JPH3: variants seen among roughly 807,000 people sequenced by gnomAD.
JPH3 encodes the protein junctophilin-3.
JPH3 carries 11 observed loss-of-function variants against 59.6 expected under a neutral mutation model. The observed-to-expected ratio is 0.18, with a 90% CI of 0.12 to 0.31. The LOEUF (loss-of-function observed/expected upper bound fraction) is 0.31, where lower values mean the gene tolerates loss of function less well. JPH3 is among the 10% of genes least tolerant of loss of function. JPH3 has a pLI of 1.00. For synonymous variants in JPH3, 673 were observed against 483.6 expected (o/e 1.39, Z -5.14); for missense variants, 1,202 against 1,105.7 (o/e 1.09, Z -1.24).
chr16:87,684,455 C>A, intron 3 of JPH3, 189 bp downstream of exon 3: 8 of 838,550 alleles, frequency 9.5e-6, no homozygotes, highest in Non-Finnish European at 1.5e-5. Context: ...CCTGGCTCCC[C>A]GGGACACAGG....
In JPH3 at chr16:87,644,747, A is replaced by T. The variant is rs749721814; in HGVS notation, c.872A>T (p.Glu291Val). The T allele has an allele frequency of 6.2e-7, 1 of 1,612,310 alleles. No homozygotes were observed. Residue 291 changes from glutamate to valine, a missense_variant, in exon 2 of 5, where the codon GAG (glutamate) becomes GTG (valine). Physicochemically the swap from Glu to Val is moderately radical, Grantham distance 121. Transcript: ENST00000284262. Reference protein sequence around the residue: ...DATTTETYVGEWKNDKRSGFG... With the variant: ...DATTTETYVGVWKNDKRSGFG... ...ACCACCACCGAGACCTACGTGGGCG[A>T]GTGGAAGAACGACAAACGCTCCGGC...
chr16:87,684,849 C>T (rs566751715), intron 3 of JPH3, among the ~76,000 whole-genome samples: 1 of 140,644 alleles, frequency 7.1e-6, no homozygotes, highest in African/African-American at 2.5e-5. Context: ...ATGGGTGATA[C>T]GGCCCAGTGA....
intron 1 of JPH3, among the ~76,000 whole-genome samples, chr16:87,630,614 C>T (rs929359204): frequency 6.6e-6 from 1 of 152,190 alleles, no homozygotes; most frequent in Non-Finnish European, 1.5e-5. Flanking sequence ...CCTTCCCCTC[C>T]TCCTTAAAAT....
intron 2 of JPH3, among the ~76,000 whole-genome samples, chr16:87,673,415 A>G (rs1234616619): frequency 6.6e-6 from 1 of 152,178 alleles, no homozygotes; most frequent in Non-Finnish European, 1.5e-5. Context: ...CTGGAGAGAA[A>G]ATTGTGAATC....
intron 1 of JPH3, among the ~76,000 whole-genome samples, chr16:87,620,981 A>G (rs2031164029): frequency 6.6e-6 from 1 of 152,158 alleles, no homozygotes; most frequent in Non-Finnish European, 1.5e-5. Flanking sequence ...AACATGGTGG[A>G]ACCCCATCTC....
At chr16:87,679,713 GGCCAGGGCCCACCAGAGCC>G in intron 2 of JPH3, among the ~76,000 whole-genome samples, 1 of 152,214 alleles carries the variant, frequency 6.6e-6, no homozygotes, top group Admixed American at 6.5e-5. Flanking sequence ...CCTGCTCCTG[GGCCAGGGCCCACCAGAGCC>G]TTAGTCCGGG....
chr16:87,684,288 A>T (rs1367708681), intron 3 of JPH3, 22 bp downstream of exon 3: 7 of 1,612,850 alleles, frequency 4.3e-6, no homozygotes, highest in Non-Finnish European at 5.9e-6. Flanking sequence ...CGGGCCTGAT[A>T]CTGGCATCGT....
intron 2 of JPH3, among the ~76,000 whole-genome samples, chr16:87,648,361 G>A (rs2032221421): frequency 6.6e-6 from 1 of 152,226 alleles, no homozygotes; most frequent in Non-Finnish European, 1.5e-5. Flanking sequence ...CATGAGAGCG[G>A]CCGCACCACG....
At chr16:87,693,933 G>A (rs2033690016) in intron 4 of JPH3, 1 of 152,280 alleles carries the variant, frequency 6.6e-6, no homozygotes, top group African/African-American at 2.4e-5. Context: ...GCCAGGCAGA[G>A]GCAAGTACTC....
chr16:87,658,509 C>T (rs2032585549), intron 2 of JPH3, among the ~76,000 whole-genome samples: 1 of 151,998 alleles, frequency 6.6e-6, no homozygotes, highest in Non-Finnish European at 1.5e-5. Flanking sequence ...TTTTCTCGTT[C>T]TCTGTCACTC....
chr16:87,636,843 G>A (rs60183879), intron 1 of JPH3, among the ~76,000 whole-genome samples: 2,269 of 152,334 alleles, frequency 0.015, 65 homozygotes, highest in African/African-American at 0.052. Context: ...GGGTGCGATT[G>A]TCACCCTATC....
chr16:87,689,557 T>TC (rs2033504867), intron 3 of JPH3, 89 bp from the exon 4 acceptor site: 2 of 1,402,976 alleles, frequency 1.4e-6, no homozygotes, highest in African/African-American at 1.4e-5. Flanking sequence ...GCCCTGAGGT[T>TC]CCCTCTGGCG....
chr16:87,696,658 T>G lies in JPH3; in HGVS notation c.2245T>G (p.Ter749GlyextTer1). The change falls in exon 5 of 5, where the codon TGA (stop) becomes GGA (glycine). Residue 749 changes from the stop codon to glycine, a stop_lost. Transcript: ENST00000284262. ...CATTCTGTTTATTAACTTTTTCATC[T>G]GATGAGATGTCGCGGTAGCAAAAAT... is the stretch of plus-strand genomic sequence containing the variant. The part of the protein sequence containing the change: ...VAILFINFFI[*>G] The G allele has an allele frequency of 1.2e-6, 2 of 1,611,594 alleles. No homozygotes were observed. The highest frequency in any genetic ancestry group is 1.7e-6 in the Non-Finnish European group (2 of 1,178,142).
chr16:87,686,180 C>T (rs2033412395), intron 3 of JPH3, among the ~76,000 whole-genome samples: 1 of 152,230 alleles, frequency 6.6e-6, no homozygotes, highest in Non-Finnish European at 1.5e-5. Flanking sequence ...ACCCCCACCC[C>T]CGCGTGGTGC....
In JPH3 at chr16:87,644,253, C is replaced by A. The variant is rs1489774809; in HGVS notation, c.383-5C>A. 3.1e-6 allele frequency: 5 copies of A among 1,600,326 alleles called. No individual in the cohort carries two copies. The highest frequency in any genetic ancestry group is 4.3e-6 in the Non-Finnish European group (5 of 1,173,316). On this transcript the variant is annotated splice_region_variant and splice_polypyrimidine_tract_variant and intron_variant, in intron 1 of 4. Transcript: ENST00000284262. ...GCACTCACCCCTCTCTCATTTTCTC[C>A]CCAGGGACCTACCAGGGCCAGTGGG...
At chr16:87,637,082 A>C (rs1343572456) in intron 1 of JPH3, among the ~76,000 whole-genome samples, 1 of 152,196 alleles carries the variant, frequency 6.6e-6, no homozygotes, top group Non-Finnish European at 1.5e-5. Context: ...CAAAGCCCCT[A>C]GGATTTGACC....
chr16:87,684,358 G>A, intron 3 of JPH3, 92 bp downstream of exon 3: 1 of 1,531,662 alleles, frequency 6.5e-7, no homozygotes, highest in Non-Finnish European at 8.8e-7. Flanking sequence ...TCCAGAGCGG[G>A]TAGGCTTAGA....
At chr16:87,695,157 T>TGGG (rs942257471) in intron 4 of JPH3, 1 of 348,542 alleles carries the variant, frequency 2.9e-6, no homozygotes. Context: ...TCGTTGTGGG[T>TGGG]GGGGGGAAGG....
chr16:87,620,719 C>T (rs1032800876), intron 1 of JPH3, among the ~76,000 whole-genome samples: 6 of 152,174 alleles, frequency 3.9e-5, no homozygotes, highest in East Asian at 1.9e-4. Context: ...TCCTGCTGCC[C>T]GGAGGAGGAG....
Sources: allele counts gnomAD v4.1 joint callset (sites outside exome capture counted in the v4.1 genomes callset), GRCh38; gene constraint gnomAD v4.1.1; transcripts MANE v1.5; gene names NCBI Gene and HGNC (gene_info 2026-07-23, HGNC 2026-07-21).